The following SNTG1 variants were observed in gnomAD, a reference collection of about 807,000 sequenced individuals.
SNTG1 encodes gamma-1-syntrophin.
SNTG1 carries 39 observed loss-of-function variants against 74.7 expected under a neutral mutation model. The ratio of observed to expected loss-of-function variants is 0.52; its 90% confidence interval spans 0.40 to 0.68. The LOEUF (loss-of-function observed/expected upper bound fraction) is 0.68. SNTG1 is among the 30% of genes least tolerant of loss of function. SNTG1 has a pLI of 0.00. For missense variants in SNTG1, 685 were observed against 609.5 expected (o/e 1.12, Z -1.30); for synonymous variants, 254 against 217.1 (o/e 1.17, Z -1.49).
intron 2 of SNTG1, among the ~76,000 whole-genome samples, chr8:50,345,937 A>C (rs2091461635): frequency 6.6e-6 from 1 of 152,186 alleles, no homozygotes; most frequent in Admixed American, 6.5e-5. Flanking sequence ...TATTTTACCA[A>C]ATCTAATAGT....
chr8:50,346,045 G>A (rs1398059782), intron 2 of SNTG1, among the ~76,000 whole-genome samples: 1 of 151,982 alleles, frequency 6.6e-6, no homozygotes, highest in African/African-American at 2.4e-5. Context: ...ATATTATCTG[G>A]CAGGATGACG....
intron 12 of SNTG1, among the ~76,000 whole-genome samples, chr8:50,563,030 G>A (rs2094497028): frequency 6.6e-6 from 1 of 152,154 alleles, no homozygotes; most frequent in Non-Finnish European, 1.5e-5. Context: ...AATATCACAG[G>A]AAACCAGGAG....
At chr8:50,417,023 TG>T (rs2093023282) in intron 4 of SNTG1, among the ~76,000 whole-genome samples, 1 of 152,156 alleles carries the variant, frequency 6.6e-6, no homozygotes, top group Admixed American at 6.6e-5. Flanking sequence ...TATTTTTACT[TG>T]TACTTGAAAA....
At chr8:50,448,411 G>GA (rs1480153084) in intron 5 of SNTG1, among the ~76,000 whole-genome samples, 2 of 151,900 alleles carry the variant, frequency 1.3e-5, no homozygotes, top group African/African-American at 4.8e-5. Context: ...GCATGCAAGG[G>GA]AAAAAAGAAT....
intron 1 of SNTG1, among the ~76,000 whole-genome samples, chr8:49,935,006 C>T (rs551482632): frequency 1.3e-5 from 2 of 151,934 alleles, no homozygotes; most frequent in African/African-American, 4.8e-5. Context: ...AATGCCAATG[C>T]TGATTTAGCA....
intron 1 of SNTG1, among the ~76,000 whole-genome samples, chr8:49,999,314 TAGC>T (rs1312050635): frequency 6.6e-6 from 1 of 152,162 alleles, no homozygotes; most frequent in East Asian, 1.9e-4. Context: ...ATTAAGAGTG[TAGC>T]AGCTCATTGT....
chr8:50,743,458 C>T (rs2095548227), intron 17 of SNTG1, among the ~76,000 whole-genome samples: 2 of 151,596 alleles, frequency 1.3e-5, no homozygotes, highest in Admixed American at 6.6e-5. Flanking sequence ...AACGCATCAA[C>T]CTTTAACAAA....
chr8:50,102,609 G>T (rs932406236), intron 1 of SNTG1, among the ~76,000 whole-genome samples: 1 of 148,288 alleles, frequency 6.7e-6, no homozygotes, highest in African/African-American at 2.6e-5. Context: ...ATTGCTTTTG[G>T]TGTTTTAGAC....
At chr8:50,740,534 G>C (rs541855854) in intron 17 of SNTG1, among the ~76,000 whole-genome samples, 2 of 152,046 alleles carry the variant, frequency 1.3e-5, no homozygotes, top group African/African-American at 2.4e-5. Context: ...CTTTTACCTG[G>C]TTGGTGGGAG....
At chr8:50,252,629 A>G (rs2086692378) in intron 2 of SNTG1, among the ~76,000 whole-genome samples, 1 of 152,186 alleles carries the variant, frequency 6.6e-6, no homozygotes, top group Non-Finnish European at 1.5e-5. Flanking sequence ...TTGAAGGAAG[A>G]GACCACAAAT....
chr8:50,414,459 A>G (rs1000478987), intron 4 of SNTG1, among the ~76,000 whole-genome samples: 4 of 152,030 alleles, frequency 2.6e-5, no homozygotes, highest in African/African-American at 9.7e-5. Context: ...TTTTCTATGC[A>G]GGTGACGGTG....
intron 9 of SNTG1, among the ~76,000 whole-genome samples, chr8:50,504,037 T>C (rs1039933364): frequency 1.3e-5 from 2 of 152,246 alleles, no homozygotes; most frequent in Middle Eastern, 3.4e-3. Context: ...TTCTCCTCTA[T>C]TTGTCTATGT....
intron 1 of SNTG1, among the ~76,000 whole-genome samples, chr8:50,115,365 A>G (rs1314358565): frequency 6.6e-6 from 1 of 151,572 alleles, no homozygotes; most frequent in East Asian, 2.0e-4. Context: ...TCAGGAGTTC[A>G]AGATCAGCCT....
intron 15 of SNTG1, among the ~76,000 whole-genome samples, chr8:50,702,405 G>A (rs1331917215): frequency 1.3e-5 from 2 of 152,110 alleles, no homozygotes; most frequent in South Asian, 2.1e-4. Flanking sequence ...GGCAGCAAGG[G>A]TCAGAGCTAA....
At chr8:50,717,015 C>T (rs2095476761) in intron 17 of SNTG1, among the ~76,000 whole-genome samples, 1 of 152,104 alleles carries the variant, frequency 6.6e-6, no homozygotes, top group Admixed American at 6.5e-5. Flanking sequence ...GGATTACAGG[C>T]GTGAGCCACC....
At chr8:50,395,343 T>A (rs944751032) in intron 3 of SNTG1, among the ~76,000 whole-genome samples, 30 of 151,888 alleles carry the variant, frequency 2.0e-4, no homozygotes, top group African/African-American at 7.0e-4. Flanking sequence ...CAAGGCAGTT[T>A]TTTTGTTTAC....
intron 1 of SNTG1, among the ~76,000 whole-genome samples, chr8:50,023,650 A>T (rs2130698158): frequency 6.6e-6 from 1 of 152,260 alleles, no homozygotes; most frequent in South Asian, 2.1e-4. Context: ...ACAGTAAAAC[A>T]CTTGGGAACC....
chr8:50,389,694 C>A (rs1323407151), intron 2 of SNTG1, among the ~76,000 whole-genome samples: 2 of 152,102 alleles, frequency 1.3e-5, no homozygotes, highest in Non-Finnish European at 2.9e-5. Flanking sequence ...GTTTACAGTC[C>A]CACCAACACT....
chr8:49,950,373 T>G (rs1346228338), intron 1 of SNTG1, among the ~76,000 whole-genome samples: 1 of 152,200 alleles, frequency 6.6e-6, no homozygotes, highest in East Asian at 1.9e-4. Flanking sequence ...TGGAATGATT[T>G]TGAAAAACTG....
Sources: allele counts gnomAD v4.1 joint callset (sites outside exome capture counted in the v4.1 genomes callset), GRCh38; gene constraint gnomAD v4.1.1; transcripts MANE v1.5; gene names NCBI Gene and HGNC (gene_info 2026-07-23, HGNC 2026-07-21).